Variants in IQGAP2 observed in about 807,000 individuals in gnomAD.
IQGAP2 encodes ras GTPase-activating-like protein IQGAP2.
Under a neutral mutation model 201.3 loss-of-function variants are expected in IQGAP2, and 173 were observed. The ratio of observed to expected loss-of-function variants is 0.86; its 90% confidence interval spans 0.76 to 0.98. The LOEUF is 0.98. Among genes scored for constraint, IQGAP2 ranks in the 50% least tolerant of loss-of-function variants. The probability of loss-of-function intolerance (pLI) is 0.00; values close to 1 mark genes in which losing one functional copy is unlikely to be tolerated. For synonymous variants in IQGAP2, 675 were observed against 673.9 expected, an observed-to-expected ratio of 1.00 and a Z score of -0.03; for missense variants, 1,687 against 1,864.8, an observed-to-expected ratio of 0.90 and a Z score of 1.76.
At chr5:76,584,585 T>C (rs1463993689) in intron 5 of IQGAP2, among the ~76,000 whole-genome samples, 1 of 152,024 alleles carries the variant, frequency 6.6e-6, no homozygotes, top group East Asian at 1.9e-4. Flanking sequence ...TATATGGCCC[T>C]TCCCTAAAGC....
chr5:76,634,984 A>G (rs1751010042), intron 15 of IQGAP2, among the ~76,000 whole-genome samples: 1 of 152,224 alleles, frequency 6.6e-6, no homozygotes, highest in African/African-American at 2.4e-5. Flanking sequence ...CTCTGATCTA[A>G]CTACATTCAA....
chr5:76,702,615 T>C, intron 35 of IQGAP2, 25 bp downstream of exon 35: 1 of 1,076,894 alleles, frequency 9.3e-7, no homozygotes. Flanking sequence ...TTTCTGCACA[T>C]TGATGATAAA....
chr5:76,568,856 G>A (rs1424319956), intron 3 of IQGAP2, among the ~76,000 whole-genome samples: 1 of 152,198 alleles, frequency 6.6e-6, no homozygotes, highest in Non-Finnish European at 1.5e-5. Flanking sequence ...CCTCATATTA[G>A]TTGGAAGAGG....
chr5:76,461,175 G>A (rs1754430045), intron 1 of IQGAP2, among the ~76,000 whole-genome samples: 1 of 151,810 alleles, frequency 6.6e-6, no homozygotes, highest in South Asian at 2.1e-4. Flanking sequence ...GCCGCACCTG[G>A]CCTTGATTCA....
intron 13 of IQGAP2, chr5:76,616,099 A>G (rs1748937805): frequency 1.3e-5 from 2 of 152,664 alleles, no homozygotes; most frequent in African/African-American, 4.8e-5. Flanking sequence ...CACCTTCTCC[A>G]TTATACTTGG....
At chr5:76,414,512 A>G (rs546933184) in intron 1 of IQGAP2, among the ~76,000 whole-genome samples, 43 of 152,188 alleles carry the variant, frequency 2.8e-4, no homozygotes, top group Non-Finnish European at 6.2e-4. Context: ...AGAAACAAAG[A>G]TACATTTATT....
intron 1 of IQGAP2, among the ~76,000 whole-genome samples, chr5:76,460,860 C>CAT (rs1374109925): frequency 2.6e-5 from 3 of 113,548 alleles, no homozygotes. Context: ...TTGCACACTG[C>CAT]TTTTTTTTTT....
intron 1 of IQGAP2, among the ~76,000 whole-genome samples, chr5:76,423,165 A>C (rs1430103091): frequency 1.3e-5 from 2 of 152,254 alleles, no homozygotes; most frequent in Non-Finnish European, 2.9e-5. Flanking sequence ...AACTCAGTAT[A>C]GCCATTAAAT....
intron 20 of IQGAP2, among the ~76,000 whole-genome samples, chr5:76,656,646 T>TA (rs1742752063): frequency 2.0e-5 from 3 of 152,172 alleles, no homozygotes; most frequent in Admixed American, 6.5e-5. Flanking sequence ...TGTTTTTTTT[T>TA]AAGCAGTTAT....
At chr5:76,425,857 G>A (rs556384707) in intron 1 of IQGAP2, among the ~76,000 whole-genome samples, 26 of 152,154 alleles carry the variant, frequency 1.7e-4, no homozygotes, top group Middle Eastern at 3.2e-3. Flanking sequence ...GGGTCAGTGC[G>A]TGCATACCAC....
At chr5:76,511,778 T>C (rs1243115453) in intron 2 of IQGAP2, among the ~76,000 whole-genome samples, 1 of 151,922 alleles carries the variant, frequency 6.6e-6, no homozygotes, top group Non-Finnish European at 1.5e-5. Context: ...CCTCCCGGGT[T>C]CACACCATTC....
intron 1 of IQGAP2, among the ~76,000 whole-genome samples, chr5:76,409,133 CA>C (rs1399445490): frequency 6.9e-6 from 1 of 145,002 alleles, no homozygotes; most frequent in Non-Finnish European, 1.5e-5. Context: ...AACAACAACA[CA>C]AAAAAACCTG....
At chr5:76,618,296 A>G (rs1749215167) in intron 13 of IQGAP2, 1 of 1,614,116 alleles carries the variant, frequency 6.2e-7, no homozygotes, top group African/African-American at 1.3e-5. Context: ...GAAAATCTGC[A>G]ATGGCCAGGT....
At chr5:76,570,520 A>C (rs1441699014) in intron 3 of IQGAP2, 60 bp from the exon 4 acceptor site, 10 of 1,152,470 alleles carry the variant, frequency 8.7e-6, no homozygotes, top group African/African-American at 1.5e-5. Context: ...AAGTTATTGC[A>C]AATGACTCAC....
At chr5:76,639,123 T>C (rs1254323454) in intron 16 of IQGAP2, among the ~76,000 whole-genome samples, 1 of 152,230 alleles carries the variant, frequency 6.6e-6, no homozygotes, top group African/African-American at 2.4e-5. Context: ...CCAATGTACT[T>C]TCACATCACT....
chr5:76,547,071 A>T (rs143564450), intron 2 of IQGAP2, among the ~76,000 whole-genome samples: 2 of 152,312 alleles, frequency 1.3e-5, no homozygotes, highest in African/African-American at 4.8e-5. Context: ...AGCACTGCAA[A>T]TATGGTATTA....
At chr5:76,651,686 T>G (rs1752526479) in intron 17 of IQGAP2, among the ~76,000 whole-genome samples, 1 of 152,280 alleles carries the variant, frequency 6.6e-6, no homozygotes, top group African/African-American at 2.4e-5. Context: ...ACTCATTGTA[T>G]AATCTTTTGT....
chr5:76,493,273 G>A (rs116833851), intron 2 of IQGAP2, among the ~76,000 whole-genome samples: 8 of 148,290 alleles, frequency 5.4e-5, no homozygotes, highest in Non-Finnish European at 8.9e-5. Context: ...ACAGGGCCCC[G>A]CCCGCCCCTC....
rs1390543687 is a variant in IQGAP2, at chr5:76,429,558, C to T, written c.46+25967C>T. Among the ~76,000 whole-genome samples the T allele has an allele frequency of 1.1e-4, 15 of 137,550 alleles. 1 individual carries two copies. The highest frequency in any genetic ancestry group is 1.0e-3 in the East Asian group (5 of 4,898). 90.2% of individuals were successfully genotyped at this position (137,550 alleles called of 152,430 possible). On this transcript the variant is annotated intron_variant, in intron 1 of 35. Coordinates refer to ENST00000274364, the MANE Select transcript of IQGAP2 (RefSeq NM_006633.5). ...TTGCACTCCAGCCTGGGCGACAGAG[C>T]GAGACTCTGTCTCAAAAAAAAATTT...
Sources: gnomAD v4.1 joint callset for allele counts (sites outside exome capture counted in the v4.1 genomes callset) on GRCh38, gnomAD v4.1.1 for gene constraint, MANE v1.5 for transcripts, NCBI Gene and HGNC (gene_info 2026-07-23, HGNC 2026-07-21) for gene names.